The following KCNQ1 variants were observed in gnomAD, a reference collection of about 807,000 sequenced individuals.
KCNQ1 encodes potassium voltage-gated channel subfamily KQT member 1.
A neutral mutation model predicts 72.4 loss-of-function variants in KCNQ1; 49 were observed. The ratio of observed to expected loss-of-function variants is 0.68; its 90% CI spans 0.54 to 0.86. The LOEUF (loss-of-function observed/expected upper bound fraction) is 0.86. Ranked by LOEUF, KCNQ1 falls within the 40% of genes least tolerant of loss-of-function variation. The pLI is 0.00. For missense variants in KCNQ1, 790 were observed against 945.1 expected, an observed-to-expected ratio of 0.84 and a Z score of 2.15; for synonymous variants, 450 against 412.6, an observed-to-expected ratio of 1.09 and a Z score of -1.10.
chr11:2,674,618 CA>C lies in KCNQ1; in HGVS notation c.1514+12538del, dbSNP rs1850258710. ...TAAATAGGCTCTGGCTTAAAACAGTCACAGCGAAACATGCCTTTGAATTGGA... is the reference window on the plus strand; with the variant it reads ...TAAATAGGCTCTGGCTTAAAACAGTCCAGCGAAACATGCCTTTGAATTGGA... On this transcript the variant is annotated intron_variant, in intron 11 of 15. Coordinates refer to ENST00000155840, the MANE Select transcript of KCNQ1 (RefSeq NM_000218.3). This position sits in a 1 kb window ranked among gnomAD's most constrained non-coding sequence, Gnocchi z 5.9. 1 of 398,480 alleles carries C rather than the reference CA, an allele frequency of 2.5e-6. No homozygotes were observed. Among genetic ancestry groups the C allele is most frequent in the East Asian group, 3.6e-5 (1 of 28,074 alleles). The allele number at this position is 398,480 out of a possible 1,614,324, so 24.7% of individuals were successfully genotyped here.
chr11:2,524,859 A>G (rs1034820944), intron 1 of KCNQ1, among the ~76,000 whole-genome samples: 4 of 151,270 alleles, frequency 2.6e-5, no homozygotes, highest in Non-Finnish European at 4.4e-5. Flanking sequence ...CCATGTGCAG[A>G]TGGTGCCCTG....
At position 2,715,916 on chromosome 11, in the gene KCNQ1, T is replaced by G. The variant is rs1173738989; in HGVS notation, c.1515-52928T>G. 1.3e-5 allele frequency among the ~76,000 whole-genome samples: 2 copies of G among 151,998 alleles called. No homozygotes were observed. The highest frequency in any genetic ancestry group is 2.9e-5 in the Non-Finnish European group (2 of 67,980). On this transcript the variant is annotated intron_variant, in intron 11 of 15. Coordinates refer to ENST00000155840, the MANE Select transcript of KCNQ1 (RefSeq NM_000218.3). The surrounding 1 kb of genome is among the most constrained non-coding windows in gnomAD (Gnocchi z 4.9). ...GAGTGGGTAGAGGGGGTGGCCAGAG[T>G]GGGAACCATGGTGATGCAAACCATA...
At chr11:2,584,585 GTTTGTGGGTT>G (rs1848563505) in intron 7 of KCNQ1, among the ~76,000 whole-genome samples, 1 of 151,466 alleles carries the variant, frequency 6.6e-6, no homozygotes, top group African/African-American at 2.4e-5. Flanking sequence ...GTTTGTGTGT[GTTTGTGGGTT>G]AGTGTGTGTT....
At chr11:2,476,765 C>G (rs1846574858) in intron 1 of KCNQ1, among the ~76,000 whole-genome samples, 2 of 152,214 alleles carry the variant, frequency 1.3e-5, no homozygotes, top group African/African-American at 2.4e-5. Flanking sequence ...TGGCTTACAG[C>G]AACGTCTACC....
rs545781396 is a variant in KCNQ1 at position 2,764,801 on chromosome 11, C to A, written c.1515-4043C>A. Among the ~76,000 whole-genome samples, 2 of 151,958 alleles carry A rather than the reference C, an allele frequency of 1.3e-5. No homozygotes were observed. Among genetic ancestry groups the A allele is most frequent in the East Asian group, 1.9e-4 (1 of 5,170 alleles). On this transcript the variant is annotated intron_variant, in intron 11 of 15. Coordinates refer to ENST00000155840, the MANE Select transcript of KCNQ1 (RefSeq NM_000218.3). The surrounding 1 kb of genome is among the most constrained non-coding windows in gnomAD (Gnocchi z 4.8). ...TCAAAAGTATTTTTGTTTGTAATGT[C>A]CTCTGAATAAATGTTTCTGCACCTC...
intron 10 of KCNQ1, chr11:2,630,924 A>G (rs911019405): frequency 5.0e-6 from 2 of 398,472 alleles, no homozygotes; most frequent in Non-Finnish European, 8.8e-6. Context: ...CTGGCCTGGA[A>G]AGTTTTTGCT....
chr11:2,613,780 C>T lies in KCNQ1; in HGVS notation c.1393+24926C>T, dbSNP rs1589981929. The T allele has an allele frequency of 2.5e-6, 1 of 398,514 alleles. No individual in the cohort carries two copies. Among genetic ancestry groups the T allele is most frequent in the East Asian group, 3.6e-5 (1 of 28,042 alleles). 24.7% of individuals were successfully genotyped at this position (398,514 alleles called of 1,614,324 possible). On this transcript the variant is annotated intron_variant, in intron 10 of 15. Coordinates refer to ENST00000155840, the MANE Select transcript of KCNQ1 (RefSeq NM_000218.3). The surrounding 1 kb of genome is among the most constrained non-coding windows in gnomAD (Gnocchi z 4.8). ...GCTACTGAGAGAAATCTTCCTCTCA[C>T]CCATATCTCTTCCATCCTAATTCCC... is the stretch of plus-strand genomic sequence containing the variant.
rs1362970747 is a variant in KCNQ1, at chr11:2,509,233, A to T, written c.387-18695A>T. 6.6e-6 allele frequency among the ~76,000 whole-genome samples: 1 copy of T among 152,190 alleles called. No individual in the cohort carries two copies. Among genetic ancestry groups the T allele is most frequent in the Non-Finnish European group, 1.5e-5 (1 of 68,030 alleles). On this transcript the variant is annotated intron_variant, in intron 1 of 15. Transcript: ENST00000155840. This position sits in a 1 kb window ranked among gnomAD's most constrained non-coding sequence, Gnocchi z 6.3. The stretch of plus-strand genomic sequence containing the variant: ...GAAACTGAAAATTTAAGTTTTTAAT[A>T]TCACATATTATTTCATGAAGAGTGG...
intron 11 of KCNQ1, chr11:2,666,724 C>T (rs1336319248): frequency 1.5e-5 from 6 of 398,674 alleles, no homozygotes; most frequent in Non-Finnish European, 2.7e-5. Flanking sequence ...TGACCTACTC[C>T]CACAGACCCC....
At position 2,515,913 on chromosome 11, in the gene KCNQ1, C is replaced by A. The variant is rs541562544; in HGVS notation, c.387-12015C>A. Among the ~76,000 whole-genome samples, 195 of 152,052 alleles carry A rather than the reference C, an allele frequency of 1.3e-3. No individual in the cohort carries two copies. The highest frequency in any genetic ancestry group is 4.6e-3 in the African/African-American group (191 of 41,470). The stretch of plus-strand genomic sequence containing the variant: ...CTGCTTGCACCCCAGAGCCTGGCCA[C>A]CCCTGTCCTCTGCTGAGGCCCTGAC... On this transcript the variant is annotated intron_variant, in intron 1 of 15. Transcript: ENST00000155840. This position sits in a 1 kb window ranked among gnomAD's most constrained non-coding sequence, Gnocchi z 4.7.
chr11:2,831,925 G>A (rs1020763106), intron 15 of KCNQ1, among the ~76,000 whole-genome samples: 1 of 152,106 alleles, frequency 6.6e-6, no homozygotes, highest in African/African-American at 2.4e-5. Context: ...AGTGGCCTGA[G>A]CTGGACATGC....
At chr11:2,622,337 G>T (rs1205192140) in intron 10 of KCNQ1, 1 of 397,986 alleles carries the variant, frequency 2.5e-6, no homozygotes. Flanking sequence ...TTAAATTCAA[G>T]TTTATTTCTT....
rs916204903 is a variant in KCNQ1 at position 2,724,626 on chromosome 11, G to C, written c.1515-44218G>C. Among the ~76,000 whole-genome samples, 23 of 152,192 alleles carry C rather than the reference G, an allele frequency of 1.5e-4. No individual in the cohort carries two copies. Among genetic ancestry groups the C allele is most frequent in the African/African-American group, 5.3e-4 (22 of 41,446 alleles). On this transcript the variant is annotated intron_variant, in intron 11 of 15. Transcript: ENST00000155840. This position sits in a 1 kb window ranked among gnomAD's most constrained non-coding sequence, Gnocchi z 6.8. ...GCTTCTCCCCTTGGGTGCCATTGCA[G>C]CTGCACCCAAGCCTTGCCCTTCCCT...
Position 2,654,739 on chromosome 11 carries a change from G to A in KCNQ1, c.1394-7222G>A. 2.5e-6 allele frequency: 1 copy of A among 398,776 alleles called. No individual in the cohort carries two copies. Among genetic ancestry groups the A allele is most frequent in the East Asian group, 3.6e-5 (1 of 28,064 alleles). The allele number at this position is 398,776 out of a possible 1,614,324, so 24.7% of individuals were successfully genotyped here. On this transcript the variant is annotated intron_variant, in intron 10 of 15. Coordinates refer to ENST00000155840, the MANE Select transcript of KCNQ1 (RefSeq NM_000218.3). The surrounding 1 kb of genome is among the most constrained non-coding windows in gnomAD (Gnocchi z 6.4). ...AATGCTGACCTAATCTGGGCAGGGA[G>A]GGGTCTGGGGCTCGATGAGAAGGCA...
At position 2,674,867 on chromosome 11, in the gene KCNQ1, T is replaced by G; in HGVS notation, c.1514+12786T>G. ...AAAAAAAAAAAAAAAAAAAGCTCAC[T>G]GGGCACCTTGGCTGCAGGGTCTGAA... On this transcript the variant is annotated intron_variant, in intron 11 of 15. Transcript: ENST00000155840. This position sits in a 1 kb window ranked among gnomAD's most constrained non-coding sequence, Gnocchi z 5.9. 2.8e-6 allele frequency: 1 copy of G among 360,050 alleles called. No homozygotes were observed. The highest frequency in any genetic ancestry group is 4.8e-6 in the Non-Finnish European group (1 of 207,084). 22.3% of individuals were successfully genotyped at this position (360,050 alleles called of 1,614,324 possible).
intron 13 of KCNQ1, 61 bp from the exon 14 acceptor site, chr11:2,776,925 A>T: frequency 6.6e-7 from 1 of 1,508,882 alleles, no homozygotes; most frequent in Non-Finnish European, 9.2e-7. Context: ...CCCACAGACG[A>T]CAGTGCATCT....
rs528941516 is a variant in KCNQ1 at position 2,797,504 on chromosome 11, C to T, written c.1794+19467C>T. Among the ~76,000 whole-genome samples the T allele has an allele frequency of 9.8e-5, 15 of 152,302 alleles. No individual in the cohort carries two copies. In the South Asian group the frequency reaches 1.4e-3, roughly 15 times the overall value. ...GACCTTCCAAAACCCCGCAGACTCC[C>T]GTGGCTGTACCAGCCCTGCACCTCC... On this transcript the variant is annotated intron_variant, in intron 15 of 15. Transcript: ENST00000155840.
intron 15 of KCNQ1, among the ~76,000 whole-genome samples, chr11:2,832,728 C>T (rs944806406): frequency 6.6e-6 from 1 of 152,202 alleles, no homozygotes; most frequent in African/African-American, 2.4e-5. Context: ...CATCACTGAG[C>T]GGCCCAGCTG....
In KCNQ1 at chr11:2,521,536, G is replaced by A. The variant is rs1236762602; in HGVS notation, c.387-6392G>A. The stretch of plus-strand genomic sequence containing the variant: ...GCAAAGTTCTGTGAAACGCTCCAGT[G>A]GTTACACGCCCCGGGGTTTCAGCTT... On this transcript the variant is annotated intron_variant, in intron 1 of 15. Coordinates refer to ENST00000155840, the MANE Select transcript of KCNQ1 (RefSeq NM_000218.3). 8 of 470,884 alleles carry A rather than the reference G, an allele frequency of 1.7e-5. No homozygotes were observed. In the Admixed American group the frequency reaches 1.9e-4, roughly 11 times the overall value. 29.2% of individuals were successfully genotyped at this position (470,884 alleles called of 1,614,324 possible). A position where few individuals can be genotyped will look rare whatever the true frequency, so the allele number is the denominator to read the frequency against.
Sources: allele counts gnomAD v4.1 joint callset (sites outside exome capture counted in the v4.1 genomes callset), GRCh38; gene constraint gnomAD v4.1.1; non-coding constraint Gnocchi (gnomAD v3.1); transcripts MANE v1.5; gene names NCBI Gene and HGNC (gene_info 2026-07-23, HGNC 2026-07-21).